IL7R: variants seen among roughly 807,000 people sequenced by gnomAD.
IL7R encodes the protein interleukin 7 receptor.
A neutral mutation model predicts 47.0 loss-of-function variants in IL7R; 38 were observed. That is an observed-to-expected ratio of 0.81 (90% CI 0.62 to 1.06). IL7R has a LOEUF of 1.06. Among genes scored for constraint, IL7R ranks in the 50% least tolerant of loss-of-function variants. The pLI is 0.00. For synonymous variants in IL7R, 221 were observed against 199.8 expected (o/e 1.11, Z -0.89); for missense variants, 633 against 534.8 (o/e 1.18, Z -1.81).
chr5:35,861,505 T>G (rs532563098), intron 2 of IL7R, among the ~76,000 whole-genome samples: 34 of 152,314 alleles, frequency 2.2e-4, no homozygotes, highest in Middle Eastern at 3.4e-3. Flanking sequence ...TTTCATCATA[T>G]AAATCATTCC....
At position 35,876,523 on chromosome 5, in the gene IL7R, C is replaced by A; in HGVS notation, c.*37C>A. Reference sequence around the variant, plus strand: ...CCCAGACTGAACTTACCGTGAGCGACAAAGATGATTTAAAAGGGAAGTCTA... The same window carrying A: ...CCCAGACTGAACTTACCGTGAGCGAAAAAGATGATTTAAAAGGGAAGTCTA... On this transcript the variant is annotated 3_prime_UTR_variant, in exon 8 of 8. Transcript: ENST00000303115. 6.3e-7 allele frequency: 1 copy of A among 1,598,280 alleles called. No individual in the cohort carries two copies. Among genetic ancestry groups the A allele is most frequent in the Non-Finnish European group, 8.5e-7 (1 of 1,178,806 alleles).
chr5:35,861,373 C>T (rs1268661213), intron 2 of IL7R, among the ~76,000 whole-genome samples: 1 of 152,130 alleles, frequency 6.6e-6, no homozygotes, highest in Non-Finnish European at 1.5e-5. Flanking sequence ...GTTTCCAATC[C>T]CAATACCAGT....
chr5:35,878,147 G>T lies in IL7R; in HGVS notation c.*1661G>T, dbSNP rs7716064. The T allele has an allele frequency of 4.3e-6, 1 of 233,054 alleles. No individual in the cohort carries two copies. The highest frequency in any genetic ancestry group is 8.5e-6 in the Non-Finnish European group (1 of 118,046). 14.4% of individuals were successfully genotyped at this position (233,054 alleles called of 1,614,324 possible). On this transcript the variant is annotated 3_prime_UTR_variant, in exon 8 of 8. Coordinates refer to ENST00000303115, the MANE Select transcript of IL7R (RefSeq NM_002185.5). ...ATCTGTTGGCTTAAAGGACTGGTAA[G>T]ATCAGACCATCTTATTCTTCAGGTG...
At chr5:35,875,957 A>T in intron 7 of IL7R, 26 bp from the exon 8 acceptor site, 8 of 1,606,236 alleles carry the variant, frequency 5.0e-6, no homozygotes, top group Non-Finnish European at 6.8e-6. Flanking sequence ...TGCCATCTTA[A>T]TACCCTTTCT....
chr5:35,875,612 G>T (rs750270892), intron 7 of IL7R, 25 bp downstream of exon 7: 1 of 1,546,068 alleles, frequency 6.5e-7, no homozygotes, highest in East Asian at 2.2e-5. Context: ...TGCTTAAAAA[G>T]TGTTGTGTTG....
chr5:35,875,537 C>G lies in IL7R; in HGVS notation c.826C>G (p.Leu276Val). The change falls in exon 7 of 8, where the codon CTC becomes GTC. Residue 276 changes from leucine to valine, a missense_variant. Coordinates refer to ENST00000303115, the MANE Select transcript of IL7R (RefSeq NM_002185.5). ...GATTAAGCCTATCGTATGGCCCAGT[C>G]TCCCCGATCATAAGAAGACTCTGGA... ...KRIKPIVWPS[L>V]PDHKKTLEHL... 1 of 1,613,388 alleles carries G rather than the reference C, an allele frequency of 6.2e-7. No homozygotes were observed. Among genetic ancestry groups the G allele is most frequent in the Admixed American group, 1.7e-5 (1 of 60,008 alleles).
At chr5:35,874,254 G>T (rs1177857322) in intron 5 of IL7R, among the ~76,000 whole-genome samples, 195 bp from the exon 6 acceptor site, 2 of 152,098 alleles carry the variant, frequency 1.3e-5, no homozygotes, top group African/African-American at 4.8e-5. Context: ...AGATGCTCTG[G>T]GCCTGGTCAC....
At position 35,876,376 on chromosome 5, in the gene IL7R, G is replaced by A; in HGVS notation, c.1270G>A (p.Gly424Arg). Residue 424 changes from glycine (G) to arginine (R), a missense_variant, in exon 8 of 8, where the codon GGA becomes AGA. Coordinates refer to ENST00000303115, the MANE Select transcript of IL7R (RefSeq NM_002185.5). ...TLPPPFSLQS[G>R]ILTLNPVAQG... is the part of the protein sequence containing the mutation. ...GCCCCCTCCATTTTCTCTCCAATCTGGAATCCTGACATTGAACCCAGTTGC... is the reference window on the plus strand; with the variant it reads ...GCCCCCTCCATTTTCTCTCCAATCTAGAATCCTGACATTGAACCCAGTTGC... 6.2e-7 allele frequency: 1 copy of A among 1,613,570 alleles called. No homozygotes were observed. The highest frequency in any genetic ancestry group is 8.5e-7 in the Non-Finnish European group (1 of 1,179,804).
intron 4 of IL7R, 198 bp from the exon 5 acceptor site, chr5:35,873,282 A>G (rs1760118753): frequency 1.6e-6 from 1 of 626,386 alleles, no homozygotes; most frequent in Non-Finnish European, 2.9e-6. Flanking sequence ...ACCACTCACA[A>G]CATCCTTTAT....
intron 2 of IL7R, among the ~76,000 whole-genome samples, chr5:35,866,431 G>T (rs11567731): frequency 6.6e-6 from 1 of 152,068 alleles, no homozygotes; most frequent in African/African-American, 2.4e-5. Context: ...GTTGAGAAGG[G>T]TCATTCCTCT....
chr5:35,861,147 C>T (rs536562504), intron 2 of IL7R, among the ~76,000 whole-genome samples, 157 bp downstream of exon 2: 78 of 152,272 alleles, frequency 5.1e-4, no homozygotes, highest in African/African-American at 1.8e-3. Flanking sequence ...TTGTCCTTCA[C>T]CAAAAACACT....
At chr5:35,874,681 C>T (rs1180774025) in intron 6 of IL7R, 139 bp downstream of exon 6, 2 of 738,780 alleles carry the variant, frequency 2.7e-6, no homozygotes, top group South Asian at 2.9e-5. Flanking sequence ...CCTATCTATC[C>T]TCAGCGAATT....
At position 35,874,465 on chromosome 5, in the gene IL7R, C is replaced by G. The variant is rs1294534112; in HGVS notation, c.723C>G (p.Ile241Met). The change falls in exon 6 of 8, where the codon ATC becomes ATG. Residue 241 changes from isoleucine to methionine, a missense_variant. Ile to Met is a conservative substitution (Grantham distance 10). Transcript: ENST00000303115. Reference sequence around the variant, plus strand: ...GCTTTCCAGGGGAGATGGATCCTATCTTACTAACCATCAGCATTTTGAGTT... The same window carrying G: ...GCTTTCCAGGGGAGATGGATCCTATGTTACTAACCATCAGCATTTTGAGTT... Reference protein sequence around the residue: ...INNSSGEMDPILLTISILSFF... With the variant: ...INNSSGEMDPMLLTISILSFF... The G allele has an allele frequency of 6.2e-7, 1 of 1,610,584 alleles. No homozygotes were observed. Among genetic ancestry groups the G allele is most frequent in the South Asian group, 1.1e-5 (1 of 91,006 alleles).
At chr5:35,860,707 C>T (rs1759780183) in intron 1 of IL7R, 145 bp from the exon 2 acceptor site, 7 of 855,458 alleles carry the variant, frequency 8.2e-6, no homozygotes, top group South Asian at 3.2e-5. Context: ...TGTCTTTGCC[C>T]TTGGGCTTTT....
Position 35,873,651 on chromosome 5 carries a change from A to G in IL7R, c.706+3A>G, listed in dbSNP as rs200036151. 109 of 1,613,302 alleles carry G rather than the reference A, an allele frequency of 6.8e-5. No individual in the cohort carries two copies. The highest frequency in any genetic ancestry group is 9.2e-5 in the Non-Finnish European group (109 of 1,179,352). The stretch of plus-strand genomic sequence containing the variant: ...TCCAGAGATCAATAATAGCTCAGGT[A>G]AGGAATGGTGGTAGAGTTTTTGTTC... On this transcript the variant is annotated splice_donor_region_variant and intron_variant, in intron 5 of 7. Transcript: ENST00000303115.
chr5:35,858,481 C>T (rs1759718709), intron 1 of IL7R, among the ~76,000 whole-genome samples: 1 of 152,172 alleles, frequency 6.6e-6, no homozygotes, highest in African/African-American at 2.4e-5. Flanking sequence ...GCCTATGATA[C>T]ATATTCCACA....
At position 35,876,156 on chromosome 5, in the gene IL7R, A is replaced by G. The variant is rs1411228239; in HGVS notation, c.1050A>G (p.Pro350=). 3.7e-6 allele frequency: 6 copies of G among 1,614,178 alleles called. No homozygotes were observed. The highest frequency in any genetic ancestry group is 5.1e-6 in the Non-Finnish European group (6 of 1,180,014). Residue 350 remains proline (P), a synonymous_variant, in exon 8 of 8, where the codon CCA becomes CCG. Coordinates refer to ENST00000303115, the MANE Select transcript of IL7R (RefSeq NM_002185.5). ...GGGATGTGCAGAGCCCCAACTGCCC[A>G]TCTGAGGATGTAGTCATCACTCCAG... The part of the protein sequence containing the change: ...LGGDVQSPNC[P]SEDVVITPES...
Position 35,873,667 on chromosome 5 carries a change from G to C in IL7R, c.706+19G>C. The C allele has an allele frequency of 6.2e-7, 1 of 1,612,352 alleles. No individual in the cohort carries two copies. On this transcript the variant is annotated intron_variant, in intron 5 of 7. Transcript: ENST00000303115. The stretch of plus-strand genomic sequence containing the variant: ...AGCTCAGGTAAGGAATGGTGGTAGA[G>C]TTTTTGTTCCCTCAGAGTGCTTTGC...
In IL7R at chr5:35,877,934, G is replaced by A. The variant is rs1317640672; in HGVS notation, c.*1448G>A. The A allele has an allele frequency of 4.3e-6, 1 of 233,316 alleles. No individual in the cohort carries two copies. The highest frequency in any genetic ancestry group is 6.0e-5 in the East Asian group (1 of 16,596). The allele number at this position is 233,316 out of a possible 1,614,324, so 14.5% of individuals were successfully genotyped here. A position where few individuals can be genotyped will look rare whatever the true frequency, so the allele number is the denominator to read the frequency against. ...AGGGCAGATGCTGCACAGAAAACTAGAGAAGGGGTCATAGGTTCATGGTTT... is the reference window on the plus strand; with the variant it reads ...AGGGCAGATGCTGCACAGAAAACTAAAGAAGGGGTCATAGGTTCATGGTTT... On this transcript the variant is annotated 3_prime_UTR_variant, in exon 8 of 8. Coordinates refer to ENST00000303115, the MANE Select transcript of IL7R (RefSeq NM_002185.5).
Sources: allele counts gnomAD v4.1 joint callset (sites outside exome capture counted in the v4.1 genomes callset), GRCh38; gene constraint gnomAD v4.1.1; transcripts MANE v1.5; gene names NCBI Gene and HGNC (gene_info 2026-07-23, HGNC 2026-07-21).